CDH20: variants seen among roughly 807,000 people sequenced by gnomAD.
CDH20 encodes cadherin 20, also known as cadherin-20.
Under a neutral mutation model 74.2 loss-of-function variants are expected in CDH20, and 29 were observed. The observed-to-expected ratio is 0.39, with a 90% confidence interval of 0.29 to 0.53. CDH20 has a LOEUF of 0.53. CDH20 is among the 20% of genes least tolerant of loss of function. CDH20 has a pLI of 0.69. For synonymous variants in CDH20, 469 were observed against 405.4 expected, an observed-to-expected ratio of 1.16 and a Z score of -1.88; for missense variants, 988 against 1,048.3, an observed-to-expected ratio of 0.94 and a Z score of 0.79.
chr18:61,545,906 T>C (rs482937), intron 10 of CDH20, among the ~76,000 whole-genome samples: 145,023 of 152,194 alleles, frequency 0.95, 69,322 homozygotes, highest in Non-Finnish European at 0.99. Context: ...CTAGGCCCCT[T>C]TTTTCCAACA....
intron 1 of CDH20, among the ~76,000 whole-genome samples, chr18:61,345,607 G>T (rs1026952057): frequency 6.6e-6 from 1 of 152,158 alleles, no homozygotes; most frequent in African/African-American, 2.4e-5. Context: ...TTGTGAAGTG[G>T]AATGGAGATT....
intron 1 of CDH20, among the ~76,000 whole-genome samples, chr18:61,417,578 T>TTAAAAAAAAAAAAAAAAAAAAAAAAA (rs1912728556): frequency 1.6e-5 from 1 of 62,364 alleles, no homozygotes; most frequent in African/African-American, 8.0e-5. Flanking sequence ...ATGTGGGAGC[T>TTAAAAAAAAAAAAAAAAAAAAAAAAA]AAAAAAAAAA....
chr18:61,444,782 A>G (rs1788062664), intron 1 of CDH20, among the ~76,000 whole-genome samples: 1 of 152,152 alleles, frequency 6.6e-6, no homozygotes, highest in Non-Finnish European at 1.5e-5. Flanking sequence ...CTGCTTATCA[A>G]TCATATTACT....
At chr18:61,344,644 C>T (rs921093616) in intron 1 of CDH20, among the ~76,000 whole-genome samples, 1 of 152,036 alleles carries the variant, frequency 6.6e-6, no homozygotes, top group Non-Finnish European at 1.5e-5. Context: ...GTGCAAATTA[C>T]CATGAGTTAA....
chr18:61,435,745 A>G (rs1224630846), intron 1 of CDH20, among the ~76,000 whole-genome samples: 2 of 150,248 alleles, frequency 1.3e-5, no homozygotes, highest in Non-Finnish European at 3.0e-5. Context: ...TAAAAAATAT[A>G]TTTATGTATA....
At chr18:61,433,697 T>C (rs1908731373) in intron 1 of CDH20, among the ~76,000 whole-genome samples, 1 of 152,124 alleles carries the variant, frequency 6.6e-6, no homozygotes, top group Admixed American at 6.5e-5. Context: ...ATCACCAAAA[T>C]ATGAATAGAA....
At chr18:61,501,974 C>T (rs139850370) in intron 4 of CDH20, among the ~76,000 whole-genome samples, 237 of 152,212 alleles carry the variant, frequency 1.6e-3, no homozygotes, top group African/African-American at 5.2e-3. Context: ...AAAGAAAATG[C>T]TGCATATATC....
rs542549173 is a variant in CDH20, at chr18:61,414,915, C to G, written c.-152-75487C>G. Reference sequence around the variant, plus strand: ...TTTTATTGTTGGGCAAACATCACCACCATCCATCTCCAGAACTTCGTATTT... The same window carrying G: ...TTTTATTGTTGGGCAAACATCACCAGCATCCATCTCCAGAACTTCGTATTT... On this transcript the variant is annotated intron_variant, in intron 1 of 11. Coordinates refer to ENST00000262717, the MANE Select transcript of CDH20 (RefSeq NM_031891.4). Among the ~76,000 whole-genome samples, 31 of 152,140 alleles carry G rather than the reference C, an allele frequency of 2.0e-4. 1 individual carries two copies. In the South Asian group the frequency reaches 6.2e-3, roughly 30 times the overall value.
intron 1 of CDH20, among the ~76,000 whole-genome samples, chr18:61,481,450 C>T (rs193243526): frequency 5.9e-5 from 9 of 152,172 alleles, no homozygotes; most frequent in East Asian, 1.9e-4. Flanking sequence ...GGTCTTAAAC[C>T]GCGATGTCCT....
intron 1 of CDH20, among the ~76,000 whole-genome samples, chr18:61,434,060 G>A (rs769665842): frequency 2.6e-5 from 4 of 152,072 alleles, no homozygotes; most frequent in Non-Finnish European, 5.9e-5. Context: ...CCAAATCTGA[G>A]CAGTAACAGC....
At chr18:61,470,755 T>C (rs577843911) in intron 1 of CDH20, among the ~76,000 whole-genome samples, 1 of 152,322 alleles carries the variant, frequency 6.6e-6, no homozygotes, top group African/African-American at 2.4e-5. Context: ...TACGTTTTAG[T>C]ACTATTGACC....
intron 1 of CDH20, among the ~76,000 whole-genome samples, chr18:61,471,959 G>A (rs1311813837): frequency 2.0e-5 from 3 of 152,054 alleles, no homozygotes; most frequent in Non-Finnish European, 4.4e-5. Context: ...TAGCTGATAG[G>A]TATTTGCCAC....
intron 1 of CDH20, among the ~76,000 whole-genome samples, chr18:61,376,046 A>G (rs1238191787): frequency 1.3e-5 from 2 of 152,158 alleles, no homozygotes; most frequent in Non-Finnish European, 2.9e-5. Flanking sequence ...TATATGAATT[A>G]TTGCATTTAT....
chr18:61,438,379 A>ACT (rs80145565), intron 1 of CDH20, among the ~76,000 whole-genome samples: 148,337 of 152,024 alleles, frequency 0.98, 72,451 homozygotes, highest in East Asian at 1. Flanking sequence ...AGAGGGTATA[A>ACT]CTCTCCCAAA....
chr18:61,413,354 T>C (rs1457066526), intron 1 of CDH20, among the ~76,000 whole-genome samples: 3 of 152,200 alleles, frequency 2.0e-5, no homozygotes, highest in Admixed American at 2.0e-4. Flanking sequence ...AGTATATTTA[T>C]TTTTTATTTT....
At chr18:61,464,863 A>C (rs1909911433) in intron 1 of CDH20, among the ~76,000 whole-genome samples, 1 of 152,222 alleles carries the variant, frequency 6.6e-6, no homozygotes, top group Non-Finnish European at 1.5e-5. Flanking sequence ...TTGTGGCAAA[A>C]CCAGTTAGAA....
intron 1 of CDH20, among the ~76,000 whole-genome samples, chr18:61,335,678 G>C (rs552327459): frequency 6.6e-6 from 1 of 152,236 alleles, no homozygotes; most frequent in African/African-American, 2.4e-5. Flanking sequence ...CTTTCTAACA[G>C]GACAGTTGTC....
chr18:61,385,926 T>C (rs1036648931), intron 1 of CDH20, among the ~76,000 whole-genome samples: 12 of 138,840 alleles, frequency 8.6e-5, no homozygotes, highest in Non-Finnish European at 1.5e-5. Flanking sequence ...TGAGACTTTG[T>C]CTCAAAAAAA....
At chr18:61,499,062 A>G in intron 2 of CDH20, 124 bp from the exon 3 acceptor site, 1 of 725,534 alleles carries the variant, frequency 1.4e-6, no homozygotes, top group South Asian at 2.4e-5. Flanking sequence ...CGACAAACTT[A>G]TTAAACATTT....
Sources: allele counts gnomAD v4.1 joint callset (sites outside exome capture counted in the v4.1 genomes callset), GRCh38; gene constraint gnomAD v4.1.1; transcripts MANE v1.5; gene names NCBI Gene and HGNC (gene_info 2026-07-23, HGNC 2026-07-21).